SAMMSON: variants seen among roughly 807,000 people sequenced by gnomAD.
SAMMSON encodes the protein survival associated mitochondrial melanoma specific oncogenic non-coding RNA.
chr3:70,139,654 A>C (rs548310004), intron 4 of SAMMSON, among the ~76,000 whole-genome samples: 2 of 152,098 alleles, frequency 1.3e-5, no homozygotes, highest in Non-Finnish European at 1.5e-5. Flanking sequence ...TGGGGTAAGG[A>C]AGCCCATGAC....
intron 3 of SAMMSON, among the ~76,000 whole-genome samples, chr3:70,044,368 G>T (rs1294725347): frequency 6.6e-6 from 1 of 151,960 alleles, no homozygotes; most frequent in Non-Finnish European, 1.5e-5. Context: ...GATGTTTTAG[G>T]CTGCTAAAGT....
At chr3:70,375,906 A>G (rs1332969556) in intron 9 of SAMMSON, among the ~76,000 whole-genome samples, 1 of 152,154 alleles carries the variant, frequency 6.6e-6, no homozygotes, top group African/African-American at 2.4e-5. Flanking sequence ...GGTAGTTCAT[A>G]TACATGTCTC....
intron 2 of SAMMSON, among the ~76,000 whole-genome samples, chr3:70,407,781 C>A (rs116460339): frequency 0.033 from 4,962 of 152,298 alleles, 129 homozygotes; most frequent in Non-Finnish European, 0.051. Context: ...AGGATGGTGG[C>A]CGTCTTCTCA....
intron 7 of SAMMSON, among the ~76,000 whole-genome samples, chr3:70,300,871 C>T (rs1018547558): frequency 6.6e-6 from 1 of 151,854 alleles, no homozygotes; most frequent in Admixed American, 6.6e-5. Flanking sequence ...GTATTCATGT[C>T]CTATAAACAC....
intron 6 of SAMMSON, among the ~76,000 whole-genome samples, chr3:70,269,429 C>A (rs1701954236): frequency 6.6e-6 from 1 of 152,186 alleles, no homozygotes; most frequent in Non-Finnish European, 1.5e-5. Context: ...CAAAGGCAGT[C>A]AACTGTTCTA....
At chr3:70,107,490 A>G (rs756689663) in intron 4 of SAMMSON, among the ~76,000 whole-genome samples, 1 of 152,150 alleles carries the variant, frequency 6.6e-6, no homozygotes, top group Non-Finnish European at 1.5e-5. Flanking sequence ...TATAACAGGA[A>G]TGACCTCAAG....
At chr3:70,253,916 CT>C (rs1701791468) in intron 6 of SAMMSON, among the ~76,000 whole-genome samples, 1 of 152,028 alleles carries the variant, frequency 6.6e-6, no homozygotes, top group Non-Finnish European at 1.5e-5. Flanking sequence ...TGTATAATCT[CT>C]TTTAAAAACA....
At chr3:70,099,737 C>G (rs147660153) in intron 4 of SAMMSON, among the ~76,000 whole-genome samples, 42 of 152,258 alleles carry the variant, frequency 2.8e-4, no homozygotes, top group African/African-American at 8.2e-4. Context: ...TTGGCAAATA[C>G]GTCTCATTCT....
chr3:70,062,108 C>G (rs1042014879), intron 3 of SAMMSON, among the ~76,000 whole-genome samples: 1 of 152,074 alleles, frequency 6.6e-6, no homozygotes, highest in Non-Finnish European at 1.5e-5. Context: ...CACATTGCAA[C>G]CCCATAGTCT....
At chr3:70,237,143 G>C (rs747767323) in intron 4 of SAMMSON, among the ~76,000 whole-genome samples, 29 of 152,098 alleles carry the variant, frequency 1.9e-4, no homozygotes, top group Non-Finnish European at 3.1e-4. Flanking sequence ...TGCATATCTG[G>C]TTTTTACTTA....
exon 10 of SAMMSON, chr3:70,389,712 A>T (rs1187435823): frequency 6.6e-6 from 1 of 152,186 alleles, no homozygotes; most frequent in Non-Finnish European, 1.5e-5. Flanking sequence ...AAGAGAAGAA[A>T]GTGATTCAAG....
intron 4 of SAMMSON, among the ~76,000 whole-genome samples, chr3:70,134,922 A>T (rs1158367402): frequency 6.6e-6 from 1 of 152,178 alleles, no homozygotes; most frequent in Admixed American, 6.5e-5. Flanking sequence ...AGCTGGAAAA[A>T]GGTTTGAATA....
chr3:70,225,900 G>A (rs530386107), intron 4 of SAMMSON, among the ~76,000 whole-genome samples: 2 of 152,268 alleles, frequency 1.3e-5, no homozygotes, highest in African/African-American at 4.8e-5. Flanking sequence ...TAAGAATTAT[G>A]TTATCAAATC....
intron 4 of SAMMSON, among the ~76,000 whole-genome samples, chr3:70,211,653 CTTCCCTTCCCT>C (rs1420717592): frequency 2.6e-4 from 30 of 114,938 alleles, no homozygotes; most frequent in African/African-American, 9.5e-4. Context: ...TTGCCTTTCC[CTTCCCTTCCCT>C]TTCCCTTCCC....
chr3:70,272,339 A>C (rs1000025479), intron 6 of SAMMSON: 1 of 152,104 alleles, frequency 6.6e-6, no homozygotes, highest in Non-Finnish European at 1.5e-5. Context: ...TATAGATTAA[A>C]TTTGCCTTTC....
intron 7 of SAMMSON, among the ~76,000 whole-genome samples, chr3:70,324,550 A>G (rs922786796): frequency 5.9e-5 from 9 of 152,174 alleles, no homozygotes; most frequent in African/African-American, 2.2e-4. Context: ...GCACTAAAGT[A>G]ATCTGTTCAG....
chr3:70,383,379 T>G (rs1053585346), intron 9 of SAMMSON, among the ~76,000 whole-genome samples: 3 of 151,864 alleles, frequency 2.0e-5, no homozygotes, highest in Non-Finnish European at 4.4e-5. Flanking sequence ...GGTCCTCCTT[T>G]TAGCTAACAG....
chr3:70,064,349 C>G (rs1310981756), intron 3 of SAMMSON, among the ~76,000 whole-genome samples: 1 of 152,106 alleles, frequency 6.6e-6, no homozygotes, highest in Non-Finnish European at 1.5e-5. Flanking sequence ...TTTAATTAAG[C>G]ACTTGTAGTT....
At chr3:70,170,408 T>C (rs1158146246) in intron 4 of SAMMSON, among the ~76,000 whole-genome samples, 2 of 151,806 alleles carry the variant, frequency 1.3e-5, no homozygotes, top group African/African-American at 4.8e-5. Flanking sequence ...TCTGGCGGAA[T>C]AATTTTTTTG....
Sources: allele counts gnomAD v4.1 joint callset (sites outside exome capture counted in the v4.1 genomes callset), GRCh38; gene constraint gnomAD v4.1.1; transcripts MANE v1.5; gene names NCBI Gene and HGNC (gene_info 2026-07-23, HGNC 2026-07-21).